ZCCHC14: variants seen among roughly 807,000 people sequenced by gnomAD.
The protein encoded by ZCCHC14 is zinc finger CCHC domain-containing protein 14.
Under a neutral mutation model 85.0 loss-of-function variants are expected in ZCCHC14, and 16 were observed. The ratio of observed to expected loss-of-function variants is 0.19; its 90% CI spans 0.13 to 0.29. ZCCHC14 has a LOEUF of 0.29. Ranked by LOEUF, ZCCHC14 falls within the 10% of genes least tolerant of loss-of-function variation. The pLI, the probability that ZCCHC14 is intolerant of heterozygous loss-of-function variation, is 1.00. For synonymous variants in ZCCHC14, 775 were observed against 630.7 expected (o/e 1.23, Z -3.43); for missense variants, 1,303 against 1,443.5 (o/e 0.90, Z 1.58).
chr16:87,467,194 A>G, intron 1 of ZCCHC14: 1 of 1,441,300 alleles, frequency 6.9e-7, no homozygotes, highest in Non-Finnish European at 9.7e-7. Context: ...GGAGAAGACT[A>G]TTCTTCCTTT....
chr16:87,408,661 TCTA>T lies in ZCCHC14; in HGVS notation c.*1616_*1618del, dbSNP rs1908306825. The T allele has an allele frequency of 6.6e-6, 1 of 152,528 alleles. No homozygotes were observed. The highest frequency in any genetic ancestry group is 1.5e-5 in the Non-Finnish European group (1 of 68,044). The allele number at this position is 152,528 out of a possible 1,614,324, so 9.4% of individuals were successfully genotyped here. Reference sequence around the variant, plus strand: ...TTCAACTAAAATAAAACTAAAAAATTCTACTAAAAGCCTGTCATAAAAAAAATG... The same window carrying T: ...TTCAACTAAAATAAAACTAAAAAATTCTAAAAGCCTGTCATAAAAAAAATG... On this transcript the variant is annotated 3_prime_UTR_variant, in exon 13 of 13. Coordinates refer to ENST00000671377, the MANE Select transcript of ZCCHC14 (RefSeq NM_015144.3).
intron 3 of ZCCHC14, 107 bp downstream of exon 3, chr16:87,433,021 G>T: frequency 8.3e-7 from 1 of 1,207,590 alleles, no homozygotes; most frequent in East Asian, 2.6e-5. Context: ...CACTGGCACG[G>T]GGCTTTGCAC....
chr16:87,438,193 G>C (rs1406608547), intron 2 of ZCCHC14, among the ~76,000 whole-genome samples: 1 of 152,282 alleles, frequency 6.6e-6, no homozygotes, highest in African/African-American at 2.4e-5. Flanking sequence ...GTGGCACACA[G>C]AGCCCACTGC....
chr16:87,417,841 T>C, intron 7 of ZCCHC14, 99 bp from the exon 8 acceptor site: 1 of 1,400,802 alleles, frequency 7.1e-7, no homozygotes, highest in East Asian at 2.5e-5. Context: ...TGCCAGCCTC[T>C]GCCTCTTGGC....
At chr16:87,456,533 CAAAAAAAAAAAAAAAAA>C (rs60817141) in intron 2 of ZCCHC14, among the ~76,000 whole-genome samples, 3 of 63,370 alleles carry the variant, frequency 4.7e-5, no homozygotes, top group South Asian at 8.0e-4. Context: ...ACTCTGTCTC[CAAAAAAAAAAAAAAAAA>C]AAAAAAAAAA....
intron 1 of ZCCHC14, among the ~76,000 whole-genome samples, chr16:87,475,808 G>C (rs1177030918): frequency 6.6e-6 from 1 of 152,184 alleles, no homozygotes; most frequent in Non-Finnish European, 1.5e-5. Flanking sequence ...CCCATAAGGA[G>C]AGAGAGATTG....
Position 87,460,012 on chromosome 16 carries a change from G to C in ZCCHC14, c.690C>G (p.Ser230Arg). Residue 230 changes from serine to arginine, a missense_variant, in exon 2 of 13, where the codon AGC becomes AGG. Transcript: ENST00000671377. ...SLPKRPLGKHSKVSVEKIDLK... is the reference protein window; with the variant it reads ...SLPKRPLGKHRKVSVEKIDLK... ...GAAACCCGTGCGTGCACTCACCTTTGCTGTGTTTTCCTAAGGGCCTCTTGG... is the reference window on the plus strand; with the variant it reads ...GAAACCCGTGCGTGCACTCACCTTTCCTGTGTTTTCCTAAGGGCCTCTTGG... 6.2e-7 allele frequency: 1 copy of C among 1,614,114 alleles called. No homozygotes were observed. The highest frequency in any genetic ancestry group is 8.5e-7 in the Non-Finnish European group (1 of 1,180,022).
At chr16:87,418,076 C>A in intron 7 of ZCCHC14, 1 of 331,814 alleles carries the variant, frequency 3.0e-6, no homozygotes, top group Non-Finnish European at 5.5e-6. Context: ...CGTCTCTGTC[C>A]CCACCAGACT....
chr16:87,455,923 G>C (rs749852932), intron 2 of ZCCHC14, among the ~76,000 whole-genome samples: 8 of 152,176 alleles, frequency 5.3e-5, no homozygotes, highest in Non-Finnish European at 1.0e-4. Flanking sequence ...GCACATTTAA[G>C]GTAGGCTAGG....
rs1911171577 is a variant in ZCCHC14, at chr16:87,459,913, G to A, written c.694+95C>T. 16 of 1,537,444 alleles carry A rather than the reference G, an allele frequency of 1.0e-5. No individual in the cohort carries two copies. The South Asian group carries it at 1.7e-4, about 16-fold the overall frequency. On this transcript the variant is annotated intron_variant, in intron 2 of 12. Transcript: ENST00000671377. ...ACACATAAGATTGGCATTTATGAAAGATCTGAAAGCATTTAACAATGCCCT... is the reference window on the plus strand; with the variant it reads ...ACACATAAGATTGGCATTTATGAAAAATCTGAAAGCATTTAACAATGCCCT...
intron 2 of ZCCHC14, among the ~76,000 whole-genome samples, chr16:87,449,141 G>A (rs779481334): frequency 2.6e-5 from 4 of 152,222 alleles, no homozygotes; most frequent in African/African-American, 7.2e-5. Context: ...ACATCCGTGA[G>A]GAAGGCGCTC....
intron 1 of ZCCHC14, among the ~76,000 whole-genome samples, chr16:87,469,762 G>C (rs1013228330): frequency 6.6e-6 from 1 of 152,150 alleles, no homozygotes; most frequent in Non-Finnish European, 1.5e-5. Context: ...TGGGCCTCCC[G>C]GAAGGCAGGG....
chr16:87,473,640 T>C (rs1184804401), intron 1 of ZCCHC14: 1 of 152,224 alleles, frequency 6.6e-6, no homozygotes, highest in Non-Finnish European at 1.5e-5. Flanking sequence ...CTAAACTGCG[T>C]TATCATGACC....
intron 2 of ZCCHC14, among the ~76,000 whole-genome samples, chr16:87,457,041 A>G (rs926083416): frequency 6.6e-6 from 1 of 152,318 alleles, no homozygotes; most frequent in East Asian, 1.9e-4. Context: ...TCAGTAAATC[A>G]TCAACACAGG....
chr16:87,461,278 A>AG (rs1040129514), intron 1 of ZCCHC14, among the ~76,000 whole-genome samples: 1 of 152,172 alleles, frequency 6.6e-6, no homozygotes, highest in African/African-American at 2.4e-5. Context: ...GGGCGAGAGG[A>AG]GGGGGGTAGC....
intron 8 of ZCCHC14, among the ~76,000 whole-genome samples, chr16:87,417,131 T>C (rs1014506638): frequency 5.3e-5 from 8 of 152,120 alleles, no homozygotes; most frequent in African/African-American, 1.9e-4. Flanking sequence ...CGCCGAGAAA[T>C]GTCTAAAAGG....
intron 12 of ZCCHC14, among the ~76,000 whole-genome samples, chr16:87,411,252 C>T (rs567599778): frequency 2.0e-4 from 31 of 152,332 alleles, no homozygotes; most frequent in Admixed American, 1.7e-3. Context: ...AATCAGGACA[C>T]GGCAGTCCAG....
In ZCCHC14 at chr16:87,411,719, A is replaced by G; in HGVS notation, c.3002T>C (p.Leu1001Pro). The part of the protein sequence containing the change: ...YSSSGTPDPV[L>P]SGQSTFAVPP... ...CACGGCAAACGTGGACTGCCCACTC[A>G]GGACAGGGTCTGGGGTCCCGCTGCT... The change falls in exon 12 of 13, where the codon CTG becomes CCG. Residue 1001 changes from leucine to proline, a missense_variant. Leu to Pro is a moderately conservative substitution (Grantham distance 98). Coordinates refer to ENST00000671377, the MANE Select transcript of ZCCHC14 (RefSeq NM_015144.3). The G allele has an allele frequency of 1.2e-6, 2 of 1,614,048 alleles. No homozygotes were observed. The highest frequency in any genetic ancestry group is 2.2e-5 in the South Asian group (2 of 91,088).
In ZCCHC14 at chr16:87,412,317, C is replaced by T; in HGVS notation, c.2404G>A (p.Val802Met). 1 of 1,614,008 alleles carries T rather than the reference C, an allele frequency of 6.2e-7. No homozygotes were observed. Among genetic ancestry groups the T allele is most frequent in the Non-Finnish European group, 8.5e-7 (1 of 1,180,038 alleles). The change falls in exon 12 of 13, where the codon GTG becomes ATG. Residue 802 changes from valine to methionine, a missense_variant. Val to Met is a conservative substitution (Grantham distance 21, BLOSUM62 1). Transcript: ENST00000671377. ...TSCPNNVQISVPPAIINPRTA... is the reference protein window; with the variant it reads ...TSCPNNVQISMPPAIINPRTA... ...CGGGGGTTTATTATTGCAGGGGGCA[C>T]ACTTATTTGCACATTATTAGGACAG...
Sources: gnomAD v4.1 joint callset for allele counts (sites outside exome capture counted in the v4.1 genomes callset) on GRCh38, gnomAD v4.1.1 for gene constraint, MANE v1.5 for transcripts, NCBI Gene and HGNC (gene_info 2026-07-23, HGNC 2026-07-21) for gene names.